The following AMPH variants were observed in gnomAD, a reference collection of about 807,000 sequenced individuals.
AMPH encodes amphiphysin (Stiff-Mann syndrome with breast cancer 128kD autoantigen).
In AMPH, 49 loss-of-function variants were observed where a neutral mutation model predicts 99.1. That is an observed-to-expected ratio of 0.49 (90% confidence interval 0.39 to 0.63). The LOEUF (loss-of-function observed/expected upper bound fraction) is 0.63, where lower values mean the gene tolerates loss of function less well. Among genes scored for constraint, AMPH ranks in the 20% least tolerant of loss-of-function variants. The pLI, the probability that AMPH is intolerant of heterozygous loss-of-function variation, is 0.00. For synonymous variants in AMPH, 314 were observed against 317.3 expected, an observed-to-expected ratio of 0.99 and a Z score of 0.11; for missense variants, 759 against 863.4, an observed-to-expected ratio of 0.88 and a Z score of 1.52.
chr7:38,597,661 A>G (rs1440976084), intron 1 of AMPH, among the ~76,000 whole-genome samples: 2 of 152,210 alleles, frequency 1.3e-5, no homozygotes, highest in African/African-American at 2.4e-5. Context: ...CCAAATACCA[A>G]TGATACTCAC....
At chr7:38,476,495 T>C (rs1788090218) in intron 6 of AMPH, among the ~76,000 whole-genome samples, 1 of 152,284 alleles carries the variant, frequency 6.6e-6, no homozygotes, top group Non-Finnish European at 1.5e-5. Flanking sequence ...ACATCCGTAC[T>C]CTCAGACAAT....
At chr7:38,403,644 G>A (rs540886955) in intron 17 of AMPH, among the ~76,000 whole-genome samples, 1 of 152,368 alleles carries the variant, frequency 6.6e-6, no homozygotes, top group Non-Finnish European at 1.5e-5. Flanking sequence ...CAGAGAGCTA[G>A]CTCTTGGCAG....
intron 11 of AMPH, among the ~76,000 whole-genome samples, chr7:38,438,756 G>A (rs77725451): frequency 0.086 from 13,023 of 152,072 alleles, 765 homozygotes; most frequent in Middle Eastern, 0.18. Flanking sequence ...GCTTCTTTGA[G>A]CCTCGGTTTC....
chr7:38,534,294 A>C (rs185810283), intron 2 of AMPH, among the ~76,000 whole-genome samples: 1 of 152,176 alleles, frequency 6.6e-6, no homozygotes, highest in African/African-American at 2.4e-5. Context: ...TTTTACCAGA[A>C]GTGTTAAACT....
At chr7:38,612,087 C>CTTTTTTT (rs56111676) in intron 1 of AMPH, among the ~76,000 whole-genome samples, 2 of 97,386 alleles carry the variant, frequency 2.1e-5, no homozygotes, top group African/African-American at 4.3e-5. Context: ...TTGTCTTCTT[C>CTTTTTTT]TTTTTTTTTT....
chr7:38,436,496 C>T, intron 11 of AMPH, 108 bp from the exon 12 acceptor site: 1 of 811,968 alleles, frequency 1.2e-6, no homozygotes, highest in Non-Finnish European at 2.0e-6. Flanking sequence ...TGAGTATCTC[C>T]AAAACACACT....
In AMPH at chr7:38,570,946, T is replaced by C. The variant is rs1229881916; in HGVS notation, c.70-35935A>G. Among the ~76,000 whole-genome samples, 2 of 107,620 alleles carry C rather than the reference T, an allele frequency of 1.9e-5. 1 individual carries two copies. Among genetic ancestry groups the C allele is most frequent in the South Asian group, 5.1e-4 (2 of 3,916 alleles). The allele number at this position is 107,620 out of a possible 152,430, so 70.6% of individuals were successfully genotyped here. ...AAAAATTTATATATATATATATATT[T>C]ATATATATAGAATATATATATAGAA... is the stretch of plus-strand genomic sequence containing the variant. On this transcript the variant is annotated intron_variant, in intron 1 of 20. Coordinates refer to ENST00000356264, the MANE Select transcript of AMPH (RefSeq NM_001635.4).
chr7:38,612,879 C>T (rs1793734704), intron 1 of AMPH, among the ~76,000 whole-genome samples: 1 of 152,148 alleles, frequency 6.6e-6, no homozygotes, highest in African/African-American at 2.4e-5. Flanking sequence ...CTCTTTTATG[C>T]CATCTATTCT....
chr7:38,620,457 T>C (rs951590605), intron 1 of AMPH, among the ~76,000 whole-genome samples: 18 of 150,990 alleles, frequency 1.2e-4, no homozygotes, highest in Admixed American at 2.6e-4. Context: ...TATTACACTG[T>C]TCTTCAACAC....
chr7:38,570,688 G>A (rs1346259900), intron 1 of AMPH, among the ~76,000 whole-genome samples: 1 of 144,504 alleles, frequency 6.9e-6, no homozygotes, highest in African/African-American at 2.5e-5. Context: ...TATCATTAGG[G>A]TGAATTCCCA....
intron 1 of AMPH, among the ~76,000 whole-genome samples, chr7:38,554,039 G>C (rs766563413): frequency 6.6e-6 from 1 of 152,174 alleles, no homozygotes; most frequent in Non-Finnish European, 1.5e-5. Context: ...CAGCTGCATC[G>C]TTTCTGCCAC....
intron 1 of AMPH, among the ~76,000 whole-genome samples, chr7:38,583,353 G>T (rs2129055898): frequency 6.6e-6 from 1 of 152,224 alleles, no homozygotes; most frequent in African/African-American, 2.4e-5. Flanking sequence ...GCTATACAAA[G>T]AACCTAATAG....
intron 2 of AMPH, among the ~76,000 whole-genome samples, chr7:38,518,157 C>T (rs1369233827): frequency 6.6e-6 from 1 of 152,228 alleles, no homozygotes; most frequent in South Asian, 2.1e-4. Context: ...GTAGTGTCCA[C>T]ATGGTGATAA....
intron 1 of AMPH, among the ~76,000 whole-genome samples, chr7:38,542,966 C>T (rs571383958): frequency 3.0e-4 from 45 of 152,000 alleles, no homozygotes; most frequent in Admixed American, 9.8e-4. Flanking sequence ...TGTTGGTGCA[C>T]GCCTATAGTC....
At chr7:38,410,683 G>C (rs1785187606) in intron 17 of AMPH, among the ~76,000 whole-genome samples, 1 of 152,214 alleles carries the variant, frequency 6.6e-6, no homozygotes, top group Non-Finnish European at 1.5e-5. Context: ...TGAGAAAACT[G>C]GCACAGAGGG....
intron 13 of AMPH, among the ~76,000 whole-genome samples, chr7:38,430,590 G>C (rs1229966880): frequency 6.6e-6 from 1 of 152,114 alleles, no homozygotes; most frequent in Non-Finnish European, 1.5e-5. Context: ...AGGAAAATGT[G>C]TTACAGTTCC....
At chr7:38,441,377 A>G (rs1199397996) in intron 11 of AMPH, among the ~76,000 whole-genome samples, 6 of 152,132 alleles carry the variant, frequency 3.9e-5, no homozygotes. Context: ...ACTAAATTTG[A>G]CCTAATTTAC....
chr7:38,547,294 A>G (rs925138964), intron 1 of AMPH, among the ~76,000 whole-genome samples: 2 of 152,174 alleles, frequency 1.3e-5, no homozygotes, highest in Admixed American at 1.3e-4. Context: ...AAAATCTTCC[A>G]CTACCTTTGT....
At chr7:38,419,351 C>A (rs1785504460) in intron 16 of AMPH, among the ~76,000 whole-genome samples, 2 of 151,032 alleles carry the variant, frequency 1.3e-5, no homozygotes, top group African/African-American at 4.9e-5. Context: ...CCAAATCATT[C>A]CATTTTTATG....
Sources: allele counts gnomAD v4.1 joint callset (sites outside exome capture counted in the v4.1 genomes callset), GRCh38; gene constraint gnomAD v4.1.1; transcripts MANE v1.5; gene names NCBI Gene and HGNC (gene_info 2026-07-23, HGNC 2026-07-21).